The following CRTAC1 variants were observed in gnomAD, a reference collection of about 807,000 sequenced individuals.
The protein encoded by CRTAC1 is acidic secreted protein in cartilage.
A neutral mutation model predicts 67.8 loss-of-function variants in CRTAC1; 37 were observed. The ratio of observed to expected loss-of-function variants is 0.55; its 90% CI spans 0.42 to 0.72. The LOEUF is 0.72. Ranked by LOEUF, CRTAC1 falls within the 30% of genes least tolerant of loss-of-function variation. The pLI is 0.00. For missense variants in CRTAC1, 780 were observed against 931.6 expected, an observed-to-expected ratio of 0.84 and a Z score of 2.12; for synonymous variants, 348 against 371.0, an observed-to-expected ratio of 0.94 and a Z score of 0.71.
In CRTAC1 at chr10:98,024,747, T is replaced by C. The variant is rs1251142649; in HGVS notation, c.24+5702A>G. Among the ~76,000 whole-genome samples the C allele has an allele frequency of 6.1e-5, 3 of 49,230 alleles. No homozygotes were observed. In the East Asian group the frequency reaches 9.8e-4, roughly 16 times the overall value. 32.3% of individuals were successfully genotyped at this position (49,230 alleles called of 152,430 possible). A position where few individuals can be genotyped will look rare whatever the true frequency, so the allele number is the denominator to read the frequency against. The stretch of plus-strand genomic sequence containing the variant: ...TCTAAAGAGAATGATTATATTATCC[T>C]TTTTTTTTTTTTTTTTTTTTTTTTT... On this transcript the variant is annotated intron_variant, in intron 1 of 14. Coordinates refer to ENST00000370597, the MANE Select transcript of CRTAC1 (RefSeq NM_018058.7).
In CRTAC1 at chr10:97,895,588, C is replaced by A. The variant is rs1214987154; in HGVS notation, c.1318-175G>T. Among the ~76,000 whole-genome samples, 1 of 152,154 alleles carries A rather than the reference C, an allele frequency of 6.6e-6. No homozygotes were observed. The highest frequency in any genetic ancestry group is 2.4e-5 in the African/African-American group (1 of 41,440). ...ACAAGAAAAATGAATGAGGCGAAGA[C>A]AGATTGGCTGAATGAAGGAGAGGCA... On this transcript the variant is annotated intron_variant, in intron 10 of 14. Transcript: ENST00000370597. This position sits in a 1 kb window ranked among gnomAD's most constrained non-coding sequence, Gnocchi z 4.2.
At chr10:98,024,400 C>T (rs1199014663) in intron 1 of CRTAC1, among the ~76,000 whole-genome samples, 1 of 152,172 alleles carries the variant, frequency 6.6e-6, no homozygotes, top group African/African-American at 2.4e-5. Context: ...AATGACACAC[C>T]TTCCCATCCC....
chr10:97,889,597 G>C (rs2050337292), intron 11 of CRTAC1, among the ~76,000 whole-genome samples: 1 of 152,110 alleles, frequency 6.6e-6, no homozygotes. Flanking sequence ...GGGGAGTACA[G>C]GTGAGGGCCT....
At chr10:97,897,080 T>A in intron 8 of CRTAC1, 89 bp from the exon 9 acceptor site, 8 of 924,992 alleles carry the variant, frequency 8.6e-6, no homozygotes, top group Non-Finnish European at 1.3e-5. Context: ...CCCCTGAGCA[T>A]CCCCGGGTCC....
chr10:97,865,766 G>A, intron 14 of CRTAC1, 52 bp from the exon 15 acceptor site: 1 of 1,509,052 alleles, frequency 6.6e-7, no homozygotes, highest in Admixed American at 2.0e-5. Context: ...TGCGGCGGCT[G>A]CGCTACCAGA....
At chr10:97,990,523 C>T (rs537302285) in intron 2 of CRTAC1, among the ~76,000 whole-genome samples, 33 of 152,284 alleles carry the variant, frequency 2.2e-4, no homozygotes, top group African/African-American at 7.5e-4. Context: ...ATTCCATTTC[C>T]TATTAGCGTC....
chr10:97,952,932 A>G (rs2051381781), intron 2 of CRTAC1, among the ~76,000 whole-genome samples: 1 of 152,196 alleles, frequency 6.6e-6, no homozygotes, highest in Non-Finnish European at 1.5e-5. Context: ...GTCCTCCCTG[A>G]GGATGGAGAA....
rs1273650044 is a variant in CRTAC1, at chr10:97,999,649, T to G, written c.224+11489A>C. ...GGCAGGTCCACATTTAGGCCCTACC[T>G]TTAGGGCAGGGAGGGCCTGACGGCT... On this transcript the variant is annotated intron_variant, in intron 2 of 14. Transcript: ENST00000370597. Among the ~76,000 whole-genome samples, 5 of 152,200 alleles carry G rather than the reference T, an allele frequency of 3.3e-5. No individual in the cohort carries two copies. In the East Asian group the frequency reaches 9.7e-4, roughly 29 times the overall value.
chr10:98,014,773 T>A (rs1842965280), intron 1 of CRTAC1, among the ~76,000 whole-genome samples: 1 of 152,186 alleles, frequency 6.6e-6, no homozygotes, highest in African/African-American at 2.4e-5. Context: ...TTAGGATGGC[T>A]GTAATAAAAA....
chr10:97,905,505 C>T (rs2050599381), intron 6 of CRTAC1, among the ~76,000 whole-genome samples: 1 of 152,214 alleles, frequency 6.6e-6, no homozygotes, highest in African/African-American at 2.4e-5. Flanking sequence ...CTGACAGCCT[C>T]TTAGTCTTCT....
chr10:98,011,003 T>C, intron 2 of CRTAC1, 135 bp downstream of exon 2: 1 of 784,008 alleles, frequency 1.3e-6, no homozygotes, highest in Non-Finnish European at 2.1e-6. Flanking sequence ...AAGCTGCAGC[T>C]GAGCCACAGA....
rs768363080 is a variant in CRTAC1 at position 97,895,936 on chromosome 10, C to T, written c.1266G>A (p.Leu422=). Residue 422 remains leucine, a synonymous_variant, in exon 10 of 15, where the codon TTG becomes TTA. Coordinates refer to ENST00000370597, the MANE Select transcript of CRTAC1 (RefSeq NM_018058.7). This position sits in a 1 kb window ranked among gnomAD's most constrained non-coding sequence, Gnocchi z 4.2. ...FDGDGMLDLI[L]SHGESMAQPL... is the part of the protein sequence containing the mutation. ...GCTGAGCCATGGACTCTCCATGGGA[C>T]AAGATGAGGTCCAGCATCCCGTCTC... 8.1e-6 allele frequency: 13 copies of T among 1,614,012 alleles called. No individual in the cohort carries two copies. Among genetic ancestry groups the T allele is most frequent in the Admixed American group, 6.7e-5 (4 of 60,004 alleles).
chr10:97,967,165 A>G (rs2136648788), intron 2 of CRTAC1, among the ~76,000 whole-genome samples: 1 of 152,174 alleles, frequency 6.6e-6, no homozygotes, highest in Non-Finnish European at 1.5e-5. Flanking sequence ...TATTTATACA[A>G]TCATTTATTT....
intron 4 of CRTAC1, among the ~76,000 whole-genome samples, chr10:97,919,596 A>G (rs2050806916): frequency 6.6e-6 from 1 of 151,872 alleles, no homozygotes; most frequent in African/African-American, 2.4e-5. Context: ...AAATCTTGCT[A>G]CTCAAAGTGG....
intron 14 of CRTAC1, among the ~76,000 whole-genome samples, chr10:97,876,282 C>T (rs1044178441): frequency 2.0e-5 from 3 of 152,078 alleles, no homozygotes; most frequent in Non-Finnish European, 2.9e-5. Context: ...TATCTGTAAA[C>T]GTGGGATAAT....
chr10:98,017,981 G>C (rs185752107), intron 1 of CRTAC1, among the ~76,000 whole-genome samples: 1,888 of 151,608 alleles, frequency 0.012, 47 homozygotes, highest in African/African-American at 0.044. Flanking sequence ...CGGATTGCTT[G>C]AGGTCAGGAG....
chr10:97,958,331 G>A (rs1376007258), intron 2 of CRTAC1, among the ~76,000 whole-genome samples: 1 of 152,158 alleles, frequency 6.6e-6, no homozygotes, highest in Non-Finnish European at 1.5e-5. Context: ...CTCTCTCAAA[G>A]ATACCTCAGT....
rs1185302792 is a variant in CRTAC1 at position 97,975,794 on chromosome 10, C to T, written c.224+35344G>A. Among the ~76,000 whole-genome samples, 1 of 152,236 alleles carries T rather than the reference C, an allele frequency of 6.6e-6. No individual in the cohort carries two copies. The highest frequency in any genetic ancestry group is 1.5e-5 in the Non-Finnish European group (1 of 68,034). On this transcript the variant is annotated intron_variant, in intron 2 of 14. Transcript: ENST00000370597. The surrounding 1 kb of genome is among the most constrained non-coding windows in gnomAD (Gnocchi z 4.8). ...CCTCCGCCCTCTGTGCCAAGAGCCT[C>T]TCCACCTGCCAGGGAAGCTACGCAC...
At chr10:98,007,244 G>C (rs1842807887) in intron 2 of CRTAC1, among the ~76,000 whole-genome samples, 3 of 152,180 alleles carry the variant, frequency 2.0e-5, no homozygotes. Flanking sequence ...AGTAAATGGA[G>C]CCTCCGAATA....
Sources: gnomAD v4.1 joint callset for allele counts (sites outside exome capture counted in the v4.1 genomes callset) on GRCh38, gnomAD v4.1.1 for gene constraint, Gnocchi (gnomAD v3.1) non-coding constraint, MANE v1.5 for transcripts, NCBI Gene and HGNC (gene_info 2026-07-23, HGNC 2026-07-21) for gene names.